PLCB1: variants seen among roughly 807,000 people sequenced by gnomAD.
PLCB1 encodes 1-phosphatidylinositol 4,5-bisphosphate phosphodiesterase beta-1.
In PLCB1, 46 loss-of-function variants were observed where a neutral mutation model predicts 161.8. The ratio of observed to expected loss-of-function variants is 0.28; its 90% CI spans 0.22 to 0.36. The LOEUF (loss-of-function observed/expected upper bound fraction) is 0.36, where lower values mean the gene tolerates loss of function less well. Among genes scored for constraint, PLCB1 ranks in the 10% least tolerant of loss-of-function variants. The probability of loss-of-function intolerance (pLI) is 1.00; values close to 1 mark genes in which losing one functional copy is unlikely to be tolerated. For synonymous variants in PLCB1, 517 were observed against 503.7 expected (o/e 1.03, Z -0.35); for missense variants, 1,016 against 1,472.5 (o/e 0.69, Z 5.07).
At chr20:8,533,184 G>T (rs1401703270) in intron 3 of PLCB1, among the ~76,000 whole-genome samples, 1 of 151,940 alleles carries the variant, frequency 6.6e-6, no homozygotes, top group Non-Finnish European at 1.5e-5. Context: ...CCCCAAAAAG[G>T]ACATGAACTC....
chr20:8,482,381 T>C (rs2023202), intron 3 of PLCB1, among the ~76,000 whole-genome samples: 75,309 of 151,908 alleles, frequency 0.5, 19,502 homozygotes, highest in East Asian at 0.66. Context: ...GGATTATAGG[T>C]GTGAGCCACC....
At chr20:8,397,279 C>T (rs865792267) in intron 3 of PLCB1, among the ~76,000 whole-genome samples, 1 of 152,012 alleles carries the variant, frequency 6.6e-6, no homozygotes, top group African/African-American at 2.4e-5. Flanking sequence ...TTGTATGCTT[C>T]ACTAAGAATA....
At chr20:8,676,888 A>G (rs934084476) in intron 9 of PLCB1, among the ~76,000 whole-genome samples, 7 of 152,242 alleles carry the variant, frequency 4.6e-5, no homozygotes, top group South Asian at 2.1e-4. Context: ...AAGTATACAC[A>G]TATCATTAAT....
At chr20:8,190,456 G>A (rs1201622389) in intron 2 of PLCB1, among the ~76,000 whole-genome samples, 4 of 152,036 alleles carry the variant, frequency 2.6e-5, no homozygotes, top group Admixed American at 2.6e-4. Context: ...TTCTCCATCA[G>A]GGACAAGTTA....
At chr20:8,487,725 G>C (rs894502278) in intron 3 of PLCB1, among the ~76,000 whole-genome samples, 2 of 152,122 alleles carry the variant, frequency 1.3e-5, no homozygotes, top group Admixed American at 6.5e-5. Flanking sequence ...GATCTGTTTC[G>C]ATAAAGGGGC....
At chr20:8,646,499 A>C (rs1295855158) in intron 5 of PLCB1, among the ~76,000 whole-genome samples, 2 of 152,226 alleles carry the variant, frequency 1.3e-5, no homozygotes, top group African/African-American at 4.8e-5. Flanking sequence ...TATTAATTTC[A>C]GATAATCCTC....
At chr20:8,472,525 A>G (rs537805845) in intron 3 of PLCB1, among the ~76,000 whole-genome samples, 2 of 152,224 alleles carry the variant, frequency 1.3e-5, no homozygotes, top group South Asian at 4.1e-4. Flanking sequence ...CCATTACTTT[A>G]TAGAACAACT....
chr20:8,571,771 A>G (rs1986526878), intron 3 of PLCB1, among the ~76,000 whole-genome samples: 1 of 152,162 alleles, frequency 6.6e-6, no homozygotes, highest in African/African-American at 2.4e-5. Flanking sequence ...GAGGAAAACG[A>G]GGGAAGATTT....
chr20:8,339,625 T>A (rs773753134), intron 2 of PLCB1, among the ~76,000 whole-genome samples: 63 of 152,346 alleles, frequency 4.1e-4, no homozygotes, highest in Middle Eastern at 3.4e-3. Context: ...GCCCAGTTCA[T>A]GTGTATTCAT....
chr20:8,643,800 T>TCC, intron 4 of PLCB1, among the ~76,000 whole-genome samples: 1 of 133,442 alleles, frequency 7.5e-6, no homozygotes, highest in Non-Finnish European at 1.6e-5. Context: ...CCTCTCCCCA[T>TCC]GGTCTCCCTC....
chr20:8,199,942 TGAA>T (rs1485080409), intron 2 of PLCB1, among the ~76,000 whole-genome samples: 1 of 152,164 alleles, frequency 6.6e-6, no homozygotes, highest in African/African-American at 2.4e-5. Context: ...ACAGAGAGGT[TGAA>T]TATACTGCCT....
chr20:8,558,892 A>C (rs1986050100), intron 3 of PLCB1, among the ~76,000 whole-genome samples: 1 of 151,974 alleles, frequency 6.6e-6, no homozygotes, highest in Non-Finnish European at 1.5e-5. Flanking sequence ...TTCCAGATAA[A>C]AGCTGATAGA....
intron 10 of PLCB1, among the ~76,000 whole-genome samples, chr20:8,687,644 G>A (rs1197072655): frequency 2.0e-5 from 3 of 152,102 alleles, no homozygotes; most frequent in Admixed American, 1.3e-4. Flanking sequence ...TCTCATCCAA[G>A]TCATTGGAAA....
chr20:8,182,709 T>TA (rs2051857640), intron 2 of PLCB1, among the ~76,000 whole-genome samples: 1 of 151,848 alleles, frequency 6.6e-6, no homozygotes, highest in African/African-American at 2.4e-5. Context: ...GCCTCCTGTG[T>TA]AGCTGGGATT....
At chr20:8,758,686 T>C (rs1276978838) in intron 24 of PLCB1, among the ~76,000 whole-genome samples, 1 of 152,158 alleles carries the variant, frequency 6.6e-6, no homozygotes, top group Admixed American at 6.5e-5. Flanking sequence ...AATACAAACA[T>C]CTTGAATGCT....
In PLCB1 at chr20:8,820,305, CAGT is replaced by C. The variant is rs569713748; in HGVS notation, c.3423+30047_3423+30049del. Among the ~76,000 whole-genome samples, 1,263 of 150,810 alleles carry C rather than the reference CAGT, an allele frequency of 8.4e-3. 10 individuals carry two copies. Among genetic ancestry groups the C allele is most frequent in the South Asian group, 0.018 (86 of 4,792 alleles). Reference sequence around the variant, plus strand: ...TCCTACAGATTAAGTGAAAGACAAACAGTAGAAAAATGTGGAAAAACTCAAACA... The same window carrying C: ...TCCTACAGATTAAGTGAAAGACAAACAGAAAAATGTGGAAAAACTCAAACA... On this transcript the variant is annotated intron_variant, in intron 31 of 31. Transcript: ENST00000338037.
chr20:8,874,911 T>C (rs995044201), intron 31 of PLCB1, among the ~76,000 whole-genome samples: 7 of 151,992 alleles, frequency 4.6e-5, no homozygotes, highest in African/African-American at 1.7e-4. Context: ...TTCTTATAAA[T>C]TTTGTCAAAT....
chr20:8,869,522 A>G (rs528466411), intron 31 of PLCB1, among the ~76,000 whole-genome samples: 1 of 152,342 alleles, frequency 6.6e-6, no homozygotes, highest in South Asian at 2.1e-4. Context: ...GGGTATGTAT[A>G]TAAAGCAATA....
chr20:8,303,465 C>G (rs1455179575), intron 2 of PLCB1, among the ~76,000 whole-genome samples: 2 of 152,170 alleles, frequency 1.3e-5, no homozygotes, highest in Non-Finnish European at 2.9e-5. Context: ...CCCTGTTAAA[C>G]AGAAAACTCA....
Sources: gnomAD v4.1 joint callset for allele counts (sites outside exome capture counted in the v4.1 genomes callset) on GRCh38, gnomAD v4.1.1 for gene constraint, MANE v1.5 for transcripts, NCBI Gene and HGNC (gene_info 2026-07-23, HGNC 2026-07-21) for gene names.